PRKG1: variants seen among roughly 807,000 people sequenced by gnomAD.
The protein encoded by PRKG1 is cGMP-dependent protein kinase 1.
A neutral mutation model predicts 88.1 loss-of-function variants in PRKG1; 35 were observed. That is an observed-to-expected ratio of 0.40 (90% CI 0.30 to 0.53). PRKG1 has a LOEUF of 0.53. Ranked by LOEUF, PRKG1 falls within the 20% of genes least tolerant of loss-of-function variation. PRKG1 has a pLI of 0.59. For missense variants in PRKG1, 540 were observed against 839.8 expected, an observed-to-expected ratio of 0.64 and a Z score of 4.41; for synonymous variants, 303 against 292.5, an observed-to-expected ratio of 1.04 and a Z score of -0.37.
chr10:51,830,828 C>T (rs1241106046), intron 4 of PRKG1, among the ~76,000 whole-genome samples: 2 of 152,052 alleles, frequency 1.3e-5, no homozygotes, highest in Non-Finnish European at 2.9e-5. Flanking sequence ...CCCCAAAGTG[C>T]TGGTATTACA....
At position 52,062,465 on chromosome 10, in the gene PRKG1, T is replaced by A; in HGVS notation, c.841-72T>A. Reference sequence around the variant, plus strand: ...AAAAGAAACAAGAAACGGAATTAACTTCATTAATTAGTGTTCCTTTGTCCA... The same window carrying A: ...AAAAGAAACAAGAAACGGAATTAACATCATTAATTAGTGTTCCTTTGTCCA... On this transcript the variant is annotated intron_variant, in intron 6 of 17. Coordinates refer to ENST00000373980, the MANE Select transcript of PRKG1 (RefSeq NM_006258.4). 3.4e-6 allele frequency: 3 copies of A among 888,154 alleles called. No individual in the cohort carries two copies. In the Admixed American group the frequency reaches 8.9e-5, roughly 26 times the overall value. 55.0% of individuals were successfully genotyped at this position (888,154 alleles called of 1,614,324 possible).
chr10:51,850,970 C>T (rs1840539147), intron 4 of PRKG1, among the ~76,000 whole-genome samples: 1 of 152,108 alleles, frequency 6.6e-6, no homozygotes, highest in African/African-American at 2.4e-5. Flanking sequence ...ATCTAGCAAT[C>T]CTACTTCTGA....
intron 7 of PRKG1, among the ~76,000 whole-genome samples, chr10:52,084,759 C>T (rs2133310816): frequency 6.6e-6 from 1 of 152,084 alleles, no homozygotes; most frequent in South Asian, 2.1e-4. Flanking sequence ...ATCTAGTTAA[C>T]AGCCCCATGC....
chr10:52,026,835 C>A (rs542382358), intron 5 of PRKG1, among the ~76,000 whole-genome samples: 1 of 152,098 alleles, frequency 6.6e-6, no homozygotes, highest in Admixed American at 6.6e-5. Flanking sequence ...ATTAGCTGGG[C>A]GTGGTGGTGA....
At chr10:51,709,570 T>C (rs1841692175) in intron 3 of PRKG1, among the ~76,000 whole-genome samples, 1 of 152,206 alleles carries the variant, frequency 6.6e-6, no homozygotes, top group African/African-American at 2.4e-5. Flanking sequence ...GCTCAGCCTT[T>C]TGTTAGCCTT....
intron 5 of PRKG1, among the ~76,000 whole-genome samples, chr10:52,014,732 G>T (rs10823957): frequency 0.11 from 17,365 of 152,252 alleles, 1,222 homozygotes; most frequent in East Asian, 0.32. Flanking sequence ...GATATAATGG[G>T]GGTACAGGCA....
rs753168304 is a variant in PRKG1 at position 51,153,334 on chromosome 10, C to T, written c.478+4C>T. Reference sequence around the variant, plus strand: ...TCACTGGTGTATGTCATGGAAGGTACGGTTTGTAACTCCAATCCTCTGACA... The same window carrying T: ...TCACTGGTGTATGTCATGGAAGGTATGGTTTGTAACTCCAATCCTCTGACA... On this transcript the variant is annotated splice_donor_region_variant and intron_variant, in intron 2 of 17. Transcript: ENST00000373980. 1.4e-5 allele frequency: 22 copies of T among 1,591,352 alleles called. No individual in the cohort carries two copies. Among genetic ancestry groups the T allele is most frequent in the Admixed American group, 3.4e-5 (2 of 58,026 alleles).
At chr10:51,539,682 A>T (rs1374980309) in intron 3 of PRKG1, among the ~76,000 whole-genome samples, 1 of 152,148 alleles carries the variant, frequency 6.6e-6, no homozygotes, top group African/African-American at 2.4e-5. Context: ...TAATATATTG[A>T]TGGTGAGAAG....
At chr10:51,719,758 A>C (rs111238797) in intron 3 of PRKG1, among the ~76,000 whole-genome samples, 9 of 152,354 alleles carry the variant, frequency 5.9e-5, no homozygotes, top group African/African-American at 2.2e-4. Context: ...GGAATACAGG[A>C]ACTCTCTATA....
intron 3 of PRKG1, among the ~76,000 whole-genome samples, chr10:51,686,665 G>A (rs965750862): frequency 6.6e-6 from 1 of 152,152 alleles, no homozygotes; most frequent in Non-Finnish European, 1.5e-5. Flanking sequence ...GCCCCAATTA[G>A]GACTGGAATG....
intron 3 of PRKG1, among the ~76,000 whole-genome samples, chr10:51,540,144 A>G (rs144024081): frequency 4.2e-4 from 64 of 152,334 alleles, no homozygotes; most frequent in Non-Finnish European, 7.1e-4. Flanking sequence ...ACCATGGTAC[A>G]TACAAATTGG....
chr10:52,281,674 G>C (rs1842005913), intron 13 of PRKG1, among the ~76,000 whole-genome samples: 1 of 152,064 alleles, frequency 6.6e-6, no homozygotes, highest in Non-Finnish European at 1.5e-5. Flanking sequence ...AGAGTCATTG[G>C]TCCCAAAACT....
chr10:52,160,591 C>A (rs1271058558), intron 8 of PRKG1, among the ~76,000 whole-genome samples: 1 of 151,940 alleles, frequency 6.6e-6, no homozygotes, highest in Non-Finnish European at 1.5e-5. Context: ...CCTTCCCCTC[C>A]ACCCACCCCA....
intron 1 of PRKG1, among the ~76,000 whole-genome samples, chr10:51,084,055 C>T (rs972290940): frequency 1.1e-4 from 17 of 152,176 alleles, no homozygotes; most frequent in South Asian, 2.1e-4. Context: ...TTCCCCACTC[C>T]TAAAATATGA....
At chr10:51,984,274 A>T (rs982473293) in intron 5 of PRKG1, among the ~76,000 whole-genome samples, 10 of 152,216 alleles carry the variant, frequency 6.6e-5, no homozygotes, top group African/African-American at 2.4e-4. Flanking sequence ...AATTCGTGTA[A>T]TTCAAAACTA....
intron 2 of PRKG1, among the ~76,000 whole-genome samples, chr10:51,343,236 C>T (rs1399826065): frequency 6.6e-6 from 1 of 152,156 alleles, no homozygotes; most frequent in Non-Finnish European, 1.5e-5. Flanking sequence ...TCCCCACTAT[C>T]ACCTGACTTA....
At chr10:51,628,444 T>C (rs1016317941) in intron 3 of PRKG1, among the ~76,000 whole-genome samples, 11 of 151,826 alleles carry the variant, frequency 7.2e-5, no homozygotes, top group African/African-American at 2.7e-4. Flanking sequence ...ATTACAGGCG[T>C]GAGCCACTAC....
At chr10:52,231,790 T>G (rs1025990511) in intron 9 of PRKG1, among the ~76,000 whole-genome samples, 1 of 152,244 alleles carries the variant, frequency 6.6e-6, no homozygotes, top group Non-Finnish European at 1.5e-5. Flanking sequence ...TGCTCATTTC[T>G]GTTTAAATCT....
intron 1 of PRKG1, among the ~76,000 whole-genome samples, chr10:51,025,424 G>T (rs1382192157): frequency 1.3e-5 from 2 of 152,080 alleles, no homozygotes; most frequent in African/African-American, 4.8e-5. Context: ...GACACCCTCT[G>T]ATTGAAGCTG....
Sources: allele counts gnomAD v4.1 joint callset (sites outside exome capture counted in the v4.1 genomes callset), GRCh38; gene constraint gnomAD v4.1.1; transcripts MANE v1.5; gene names NCBI Gene and HGNC (gene_info 2026-07-23, HGNC 2026-07-21).